The following ENO4 variants were observed in gnomAD, a reference collection of about 807,000 sequenced individuals.
ENO4 encodes the protein 2-phospho-D-glycerate hydro-lyase.
A neutral mutation model predicts 63.2 loss-of-function variants in ENO4; 53 were observed. The ratio of observed to expected loss-of-function variants is 0.84; its 90% CI spans 0.67 to 1.05. ENO4 has a LOEUF of 1.05. ENO4 is among the 50% of genes least tolerant of loss of function. ENO4 has a pLI of 0.00. For missense variants in ENO4, 719 were observed against 772.0 expected (o/e 0.93, Z 0.81); for synonymous variants, 266 against 283.8 (o/e 0.94, Z 0.63).
chr10:116,852,701 A>G (rs1257186296), intron 1 of ENO4, among the ~76,000 whole-genome samples: 1 of 152,188 alleles, frequency 6.6e-6, no homozygotes, highest in African/African-American at 2.4e-5. Context: ...CCTACTGGAA[A>G]GAGTGAGGTT....
chr10:116,865,315 G>A (rs2133261718), intron 7 of ENO4, among the ~76,000 whole-genome samples: 1 of 152,226 alleles, frequency 6.6e-6, no homozygotes, highest in East Asian at 1.9e-4. Context: ...AGCCTCCTGA[G>A]TGGCTGGGGT....
rs901950204 is a variant in ENO4 at position 116,879,403 on chromosome 10, C to T, written c.1605+45C>T. On this transcript the variant is annotated intron_variant, in intron 12 of 13. Transcript: ENST00000341276. ...CAACTGCCAAACACTGCTTTTATCA[C>T]GAATTGGTATTTCAGAGAAATGCAG... The T allele has an allele frequency of 2.9e-5, 41 of 1,404,604 alleles. No individual in the cohort carries two copies. The African/African-American group carries it at 3.0e-4, about 10-fold the overall frequency. 87.0% of individuals were successfully genotyped at this position (1,404,604 alleles called of 1,614,324 possible).
chr10:116,880,011 T>C, intron 13 of ENO4, 25 bp downstream of exon 13: 2 of 1,491,392 alleles, frequency 1.3e-6, no homozygotes, highest in Non-Finnish European at 1.8e-6. Flanking sequence ...CTTGCTTTGT[T>C]TCCACTTAGC....
chr10:116,873,875 G>A, intron 9 of ENO4: 1 of 985,012 alleles, frequency 1.0e-6, no homozygotes, highest in South Asian at 4.7e-5. Context: ...GGCATCAAAA[G>A]GAATGGTGAC....
intron 7 of ENO4, among the ~76,000 whole-genome samples, chr10:116,864,092 A>C (rs1208243725): frequency 6.6e-6 from 1 of 152,236 alleles, no homozygotes; most frequent in Non-Finnish European, 1.5e-5. Flanking sequence ...CCGGTGCCAC[A>C]GGAAGCCATA....
Position 116,895,618 on chromosome 10 carries a change from T to A in ENO4, c.1194+15632T>A, listed in dbSNP as rs906127561. On this transcript the variant is annotated intron_variant, in intron 10 of 10. Transcript: ENST00000369207. The stretch of plus-strand genomic sequence containing the variant: ...GGAACAGGATGTGAGTATCTTAGGG[T>A]CAATGAAGCAACTTAACTGCAGAAT... Among the ~76,000 whole-genome samples the A allele has an allele frequency of 2.6e-5, 4 of 152,156 alleles. No homozygotes were observed. The South Asian group carries it at 8.3e-4, about 32-fold the overall frequency.
At chr10:116,872,021 AC>A (rs373184497) in intron 9 of ENO4, among the ~76,000 whole-genome samples, 1 of 152,116 alleles carries the variant, frequency 6.6e-6, no homozygotes, top group Non-Finnish European at 1.5e-5. Context: ...ACATGGTGAA[AC>A]CCCCCTCTAC....
downstream of ENO4, chr10:116,911,937 A>G (rs1848216952): frequency 9.1e-6 from 8 of 882,654 alleles, no homozygotes; most frequent in Non-Finnish European, 1.5e-5. Flanking sequence ...GTAGCCTTAT[A>G]TTGGTAATAT....
At chr10:116,885,059 A>C (rs1200445526), downstream of ENO4, 1 of 152,604 alleles carries the variant, frequency 6.6e-6, no homozygotes, top group Non-Finnish European at 1.5e-5. Flanking sequence ...TTATCTCCAA[A>C]TTTAGGAAGT....
chr10:116,905,799 G>A (rs1428277333), intron 10 of ENO4, among the ~76,000 whole-genome samples: 1 of 152,082 alleles, frequency 6.6e-6, no homozygotes, highest in Admixed American at 6.5e-5. Context: ...TTTTGAAGTC[G>A]GCTTCCTACC....
chr10:116,887,983 T>G (rs2133297457), intron 10 of ENO4, among the ~76,000 whole-genome samples: 1 of 152,238 alleles, frequency 6.6e-6, no homozygotes. Flanking sequence ...CCACACTGCT[T>G]TTTTCACTTT....
intron 9 of ENO4, among the ~76,000 whole-genome samples, chr10:116,873,585 T>C (rs1296432078): frequency 6.6e-6 from 1 of 152,186 alleles, no homozygotes; most frequent in Non-Finnish European, 1.5e-5. Context: ...ATCACATTAT[T>C]TTTCACACTG....
exon 11 of ENO4, chr10:116,911,719 A>G: frequency 3.2e-6 from 5 of 1,582,894 alleles, no homozygotes; most frequent in Non-Finnish European, 3.5e-6. Flanking sequence ...ACAATTCACA[A>G]AAAACAGATT....
intron 10 of ENO4, chr10:116,911,356 G>C: frequency 9.2e-7 from 1 of 1,081,658 alleles, no homozygotes; most frequent in Non-Finnish European, 1.3e-6. Flanking sequence ...AGGAAAGGCA[G>C]ACTGTGACCC....
At chr10:116,886,727 G>A (rs1200922710), downstream of ENO4, among the ~76,000 whole-genome samples, 1 of 152,170 alleles carries the variant, frequency 6.6e-6, no homozygotes, top group African/African-American at 2.4e-5. Context: ...AAGAAAAAAT[G>A]AAGCTATCAG....
chr10:116,911,786 T>C, exon 11 of ENO4: 1 of 1,609,170 alleles, frequency 6.2e-7, no homozygotes, highest in Non-Finnish European at 8.5e-7. Context: ...AAATCTATTC[T>C]TACCAGTATT....
exon 11 of ENO4, chr10:116,911,655 A>G: frequency 6.4e-7 from 1 of 1,568,686 alleles, no homozygotes; most frequent in Non-Finnish European, 8.7e-7. Flanking sequence ...AGCACGATCA[A>G]ATAAACTGGC....
chr10:116,908,267 T>C (rs1331002951), intron 10 of ENO4, among the ~76,000 whole-genome samples: 1 of 152,200 alleles, frequency 6.6e-6, no homozygotes, highest in Non-Finnish European at 1.5e-5. Context: ...CTTAGAAGTA[T>C]CTCTTTTTAT....
At chr10:116,896,235 A>ATATT (rs1355562724) in intron 10 of ENO4, among the ~76,000 whole-genome samples, 1 of 152,232 alleles carries the variant, frequency 6.6e-6, no homozygotes, top group African/African-American at 2.4e-5. Context: ...TGTTGATAAT[A>ATATT]GAGTTAACAT....
Sources: gnomAD v4.1 joint callset for allele counts (sites outside exome capture counted in the v4.1 genomes callset) on GRCh38, gnomAD v4.1.1 for gene constraint, MANE v1.5 for transcripts, NCBI Gene and HGNC (gene_info 2026-07-23, HGNC 2026-07-21) for gene names.